Variants in DDC observed in about 807,000 individuals in gnomAD.
DDC encodes the protein aromatic-L-amino-acid decarboxylase.
In DDC, 43 loss-of-function variants were observed where a neutral mutation model predicts 60.0. That is an observed-to-expected ratio of 0.72 (90% CI 0.56 to 0.92). The LOEUF is 0.92. Among genes scored for constraint, DDC ranks in the 40% least tolerant of loss-of-function variants. The probability of loss-of-function intolerance (pLI) is 0.00; values close to 1 mark genes in which losing one functional copy is unlikely to be tolerated. For synonymous variants in DDC, 232 were observed against 234.6 expected (o/e 0.99, Z 0.10); for missense variants, 573 against 620.2 (o/e 0.92, Z 0.81).
chr7:50,524,930 C>T lies in DDC; in HGVS notation c.714+3207G>A, dbSNP rs147938822. ...CCAAAATATGGAAACAACTACAATG[C>T]CCCTCAACAGGTGAATGGGTAAACA... On this transcript the variant is annotated intron_variant, in intron 6 of 14. Transcript: ENST00000444124. Among the ~76,000 whole-genome samples the T allele has an allele frequency of 3.6e-3, 549 of 152,202 alleles. 5 individuals carry two copies. Among genetic ancestry groups the T allele is most frequent in the African/African-American group, 0.012 (516 of 41,516 alleles).
chr7:50,552,051 C>T (rs571791182), intron 1 of DDC, among the ~76,000 whole-genome samples: 1 of 152,334 alleles, frequency 6.6e-6, no homozygotes, highest in South Asian at 2.1e-4. Context: ...CAAGCAGACA[C>T]ATACCACATA....
chr7:50,529,154 A>G, intron 5 of DDC, 54 bp downstream of exon 5: 1 of 1,611,162 alleles, frequency 6.2e-7, no homozygotes, highest in Non-Finnish European at 8.5e-7. Flanking sequence ...ATTTGACATA[A>G]AACCAAACAT....
At chr7:50,520,883 GT>G (rs2043869779) in intron 6 of DDC, among the ~76,000 whole-genome samples, 1 of 151,248 alleles carries the variant, frequency 6.6e-6, no homozygotes, top group Admixed American at 6.6e-5. Flanking sequence ...AGGCAACAGA[GT>G]AAGACTCTGT....
intron 1 of DDC, among the ~76,000 whole-genome samples, chr7:50,551,846 T>C (rs758151927): frequency 6.6e-6 from 1 of 152,204 alleles, no homozygotes; most frequent in African/African-American, 2.4e-5. Context: ...GTGTGACTAT[T>C]AGCAATGCCT....
At chr7:50,476,489 CAGTT>C (rs2042646645) in intron 11 of DDC, 131 bp downstream of exon 11, 1 of 820,678 alleles carries the variant, frequency 1.2e-6, no homozygotes, top group South Asian at 1.4e-5. Flanking sequence ...CCTAATTTGT[CAGTT>C]AGGACCCAGT....
intron 13 of DDC, among the ~76,000 whole-genome samples, chr7:50,466,344 G>A (rs969585235): frequency 6.6e-6 from 1 of 152,072 alleles, no homozygotes; most frequent in East Asian, 1.9e-4. Context: ...AATTAGCTGG[G>A]CGTGGTGGCG....
At chr7:50,488,890 C>A (rs536617520) in intron 9 of DDC, among the ~76,000 whole-genome samples, 28 of 152,322 alleles carry the variant, frequency 1.8e-4, no homozygotes, top group African/African-American at 6.7e-4. Flanking sequence ...GTAACTCTTT[C>A]AACTTTTTAT....
intron 13 of DDC, among the ~76,000 whole-genome samples, chr7:50,466,883 G>A (rs1358647941): frequency 6.6e-6 from 1 of 152,258 alleles, no homozygotes; most frequent in Non-Finnish European, 1.5e-5. Flanking sequence ...AGATTAGTGA[G>A]GCTATGGACA....
At chr7:50,470,499 A>G (rs974849235) in intron 11 of DDC, among the ~76,000 whole-genome samples, 1 of 152,252 alleles carries the variant, frequency 6.6e-6, no homozygotes, top group Non-Finnish European at 1.5e-5. Context: ...GTGAGCAAAC[A>G]GGGAAGACAC....
At chr7:50,557,782 T>C (rs2045232296) in intron 1 of DDC, among the ~76,000 whole-genome samples, 1 of 152,226 alleles carries the variant, frequency 6.6e-6, no homozygotes, top group Non-Finnish European at 1.5e-5. Context: ...CCCAGTGGAA[T>C]TGAGACATGT....
chr7:50,464,123 C>A (rs1022165894), intron 13 of DDC, among the ~76,000 whole-genome samples: 2 of 151,948 alleles, frequency 1.3e-5, no homozygotes, highest in Non-Finnish European at 2.9e-5. Context: ...GGCAGTGACT[C>A]CATGTCTTCT....
chr7:50,506,986 T>A (rs2043416272), intron 6 of DDC, among the ~76,000 whole-genome samples: 1 of 152,270 alleles, frequency 6.6e-6, no homozygotes, highest in South Asian at 2.1e-4. Context: ...CAATTTCATC[T>A]TGACATATAA....
intron 12 of DDC, 137 bp from the exon 13 acceptor site, chr7:50,467,452 G>A (rs935779704): frequency 4.9e-5 from 35 of 719,242 alleles, no homozygotes; most frequent in Admixed American, 4.1e-4. Context: ...TGCTTTTACC[G>A]TTCACTGACC....
chr7:50,487,398 G>A (rs890658244), intron 9 of DDC, among the ~76,000 whole-genome samples: 1 of 152,078 alleles, frequency 6.6e-6, no homozygotes, highest in Non-Finnish European at 1.5e-5. Context: ...TGTGTTTTTG[G>A]TAAAGTTTAT....
At chr7:50,463,581 T>C (rs1402682936) in intron 13 of DDC, 150 bp from the exon 14 acceptor site, 7 of 724,410 alleles carry the variant, frequency 9.7e-6, no homozygotes, top group Non-Finnish European at 1.7e-5. Context: ...TGTTACAAAA[T>C]TCAACAAAAT....
At chr7:50,468,930 C>CG (rs2042462952) in intron 12 of DDC, among the ~76,000 whole-genome samples, 11 of 122,892 alleles carry the variant, frequency 9.0e-5, no homozygotes, top group African/African-American at 3.2e-4. Context: ...TCAGTTTCCT[C>CG]ATTTTTTTTT....
chr7:50,461,066 T>A (rs4515495), intron 14 of DDC, among the ~76,000 whole-genome samples: 109,101 of 151,220 alleles, frequency 0.72, 40,572 homozygotes, highest in Admixed American at 0.82. Context: ...AATAAATAAA[T>A]AAATAAAAAT....
At chr7:50,533,191 C>A (rs2044275424) in intron 4 of DDC, among the ~76,000 whole-genome samples, 1 of 152,000 alleles carries the variant, frequency 6.6e-6, no homozygotes, top group Admixed American at 6.6e-5. Context: ...TGTCTGTATA[C>A]ATATATTCAC....
intron 9 of DDC, among the ~76,000 whole-genome samples, chr7:50,481,395 T>C (rs921222259): frequency 2.0e-5 from 3 of 152,100 alleles, no homozygotes; most frequent in African/African-American, 7.2e-5. Context: ...TCTCTCTGCA[T>C]TAGAGAAAGC....
Sources: gnomAD v4.1 joint callset for allele counts (sites outside exome capture counted in the v4.1 genomes callset) on GRCh38, gnomAD v4.1.1 for gene constraint, MANE v1.5 for transcripts, NCBI Gene and HGNC (gene_info 2026-07-23, HGNC 2026-07-21) for gene names.